The following KMT2D variants were observed in gnomAD, a reference collection of about 807,000 sequenced individuals.
KMT2D encodes histone-lysine N-methyltransferase 2D.
Under a neutral mutation model 512.7 loss-of-function variants are expected in KMT2D, and 55 were observed. The observed-to-expected ratio is 0.11, with a 90% CI of 0.09 to 0.13. The LOEUF (loss-of-function observed/expected upper bound fraction) is 0.13. Among genes scored for constraint, KMT2D ranks in the 10% least tolerant of loss-of-function variants. KMT2D has a pLI of 1.00. For missense variants in KMT2D, 6,061 were observed against 7,127.9 expected (o/e 0.85, Z 5.39); for synonymous variants, 2,995 against 2,904.0 (o/e 1.03, Z -1.01).
Position 49,050,223 on chromosome 12 carries a change from G to T in KMT2D, c.3365C>A (p.Thr1122Lys), listed in dbSNP as rs541921137. The T allele has an allele frequency of 3.1e-6, 5 of 1,613,606 alleles. No individual in the cohort carries two copies. Among genetic ancestry groups the T allele is most frequent in the Non-Finnish European group, 4.2e-6 (5 of 1,179,826 alleles). ...LDDFSGLGEDTAPLDGIDAPG... is the reference protein window; with the variant it reads ...LDDFSGLGEDKAPLDGIDAPG... ...AGCATCAATCCCATCCAGAGGGGCT[G>T]TGTCTTCCCCTAGGCCAGAGAAGTC... Residue 1122 changes from threonine (T) to lysine (K), a missense_variant, in exon 12 of 55, where the codon ACA (threonine) becomes AAA (lysine). By Grantham distance (78) the Thr-to-Lys change is moderately conservative. Coordinates refer to ENST00000301067, the MANE Select transcript of KMT2D (RefSeq NM_003482.4).
Position 49,022,929 on chromosome 12 carries a change from A to G in KMT2D, c.16053-54T>C, listed in dbSNP as rs558387437. 197 of 1,488,774 alleles carry G rather than the reference A, an allele frequency of 1.3e-4. 1 individual carries two copies. The South Asian group carries it at 2.6e-3, about 19-fold the overall frequency. 92.2% of individuals were successfully genotyped at this position (1,488,774 alleles called of 1,614,324 possible). A position where few individuals can be genotyped will look rare whatever the true frequency, so the allele number is the denominator to read the frequency against. ...CAGCTCTCCCTCAGACCAAGTACAT[A>G]CCACCCACCTCCTCTGCCACCTCCT... On this transcript the variant is annotated intron_variant, in intron 51 of 54. Coordinates refer to ENST00000301067, the MANE Select transcript of KMT2D (RefSeq NM_003482.4). The surrounding 1 kb of genome is among the most constrained non-coding windows in gnomAD (Gnocchi z 8.6).
At position 49,037,626 on chromosome 12, in the gene KMT2D, C is replaced by G. The variant is rs1258009682; in HGVS notation, c.9730G>C (p.Glu3244Gln). ...DKMESSLVAS[E>Q]LPLLIEDLLE... ...AGGTCCTCAATGAGCAGGGGTAACT[C>G]GCTGGCTACCAGTGAGCTCTCCATC... The change falls in exon 35 of 55, where the codon GAG becomes CAG. Residue 3244 changes from glutamate (E) to glutamine (Q), a missense_variant. Glu to Gln is a conservative substitution (Grantham distance 29, BLOSUM62 2). Around this residue, in one of 16 missense-constraint regions of KMT2D, gnomAD observed 533 missense variants for 539.6 expected, o/e 0.99. Coordinates refer to ENST00000301067, the MANE Select transcript of KMT2D (RefSeq NM_003482.4). The G allele has an allele frequency of 6.4e-7, 1 of 1,564,794 alleles. No homozygotes were observed. The highest frequency in any genetic ancestry group is 8.7e-7 in the Non-Finnish European group (1 of 1,154,440).
rs2120544041 is a variant in KMT2D at position 49,041,256 on chromosome 12, G to T, written c.6514C>A (p.Pro2172Thr). 2 of 1,516,828 alleles carry T rather than the reference G, an allele frequency of 1.3e-6. No individual in the cohort carries two copies. Among genetic ancestry groups the T allele is most frequent in the Non-Finnish European group, 1.8e-6 (2 of 1,136,794 alleles). 94.0% of individuals were successfully genotyped at this position (1,516,828 alleles called of 1,614,324 possible). A position where few individuals can be genotyped will look rare whatever the true frequency, so the allele number is the denominator to read the frequency against. Residue 2172 changes from proline to threonine, a missense_variant, in exon 32 of 55, where the codon CCT (proline) becomes ACT (threonine). Pro to Thr is a conservative substitution (Grantham distance 38, BLOSUM62 -1). Around this residue, in one of 16 missense-constraint regions of KMT2D, gnomAD observed 710 missense variants for 647.3 expected, o/e 1.10. Transcript: ENST00000301067. The surrounding 1 kb of genome is among the most constrained non-coding windows in gnomAD (Gnocchi z 5.4). ...GCCAGTCCAAAGGGGTCCTGCGAAG[G>T]CACTTGGGCGGGCACCTGGGGTGGG... ...KLPPQVPAQV[P>T]SQDPFGLAPA... is the part of the protein sequence containing the mutation.
At chr12:49,055,051 T>G (rs774435686) in intron 2 of KMT2D, 25 bp from the exon 3 acceptor site, 12 of 1,612,446 alleles carry the variant, frequency 7.4e-6, no homozygotes, top group Non-Finnish European at 1.0e-5. Flanking sequence ...AAACAGCATG[T>G]GTCAGCCATC....
In KMT2D at chr12:49,052,926, C is replaced by T. The variant is rs765520581; in HGVS notation, c.1101G>A (p.Pro367=). 1.5e-5 allele frequency: 24 copies of T among 1,613,956 alleles called. No homozygotes were observed. In the East Asian group the frequency reaches 1.6e-4, roughly 10 times the overall value. The change falls in exon 9 of 55, where the codon CCG becomes CCA. Residue 367 remains proline, a synonymous_variant. Transcript: ENST00000301067. ...TCCCCACCACTTACCTGCTACACACCGGGGTATGCTGCTCAGCAACGGAGC... is the reference window on the plus strand; with the variant it reads ...TCCCCACCACTTACCTGCTACACACTGGGGTATGCTGCTCAGCAACGGAGC... The part of the protein sequence containing the change: ...TIRSVAEQHT[P]VCSRFSPPEP...
rs34412400 is a variant in KMT2D, at chr12:49,036,478, A to AT, written c.10231+646dup. Reference sequence around the variant, plus strand: ...AGGCGTGCACCACCACACCCAGCTAATTTTTTTTTTTTTTTTTTTTTTTTT... The same window carrying AT: ...AGGCGTGCACCACCACACCCAGCTAATTTTTTTTTTTTTTTTTTTTTTTTTT... On this transcript the variant is annotated intron_variant, in intron 35 of 54. Transcript: ENST00000301067. Among the ~76,000 whole-genome samples, 633 of 73,442 alleles carry AT rather than the reference A, an allele frequency of 8.6e-3. 30 individuals are homozygous for AT. Among genetic ancestry groups the AT allele is most frequent in the African/African-American group, 0.018 (315 of 17,808 alleles). 48.2% of individuals were successfully genotyped at this position (73,442 alleles called of 152,430 possible). A position where few individuals can be genotyped will look rare whatever the true frequency, so the allele number is the denominator to read the frequency against.
rs2120502319 is a variant in KMT2D, at chr12:49,038,684, C to A, written c.8672G>T (p.Gly2891Val). 4 of 1,612,440 alleles carry A rather than the reference C, an allele frequency of 2.5e-6. No homozygotes were observed. In the South Asian group the frequency reaches 4.4e-5, roughly 18 times the overall value. The change falls in exon 35 of 55, where the codon GGG (glycine) becomes GTG (valine). Residue 2891 changes from glycine (G) to valine (V), a missense_variant. Transcript: ENST00000301067. This position sits in a 1 kb window ranked among gnomAD's most constrained non-coding sequence, Gnocchi z 5.7. ...RHNVQKGLGP[G>V]GTPFPGQGPP... ...GCCCTGACCAGGAAACGGAGTGCCC[C>A]CAGGTCCCAGTCCTTTCTGTACATT...
chr12:49,059,045 C>T (rs1034437384), intron 1 of KMT2D, among the ~76,000 whole-genome samples: 1 of 152,178 alleles, frequency 6.6e-6, no homozygotes, highest in Non-Finnish European at 1.5e-5. Flanking sequence ...CAGCTACCCC[C>T]TTCATCACAA....
Position 49,039,201 on chromosome 12 carries a change from G to A in KMT2D, c.8366+21C>T, listed in dbSNP as rs1431689802. ...ATCCATCCCCCTTGGTTTACCCCCA[G>A]GGAACCTCCTGGAGCCTCACCGGCT... On this transcript the variant is annotated intron_variant, in intron 34 of 54. Transcript: ENST00000301067. The surrounding 1 kb of genome is among the most constrained non-coding windows in gnomAD (Gnocchi z 5.0). 1 of 1,612,562 alleles carries A rather than the reference G, an allele frequency of 6.2e-7. No homozygotes were observed. The highest frequency in any genetic ancestry group is 1.3e-5 in the African/African-American group (1 of 74,896).
At position 49,046,934 on chromosome 12, in the gene KMT2D, C is replaced by T. The variant is rs1160175891; in HGVS notation, c.4237-144G>A. ...GATCTCGGCTCACTGCAACCTCTGC[C>T]TCTCAGGTACAAGTGATTCTCTTGT... On this transcript the variant is annotated intron_variant, in intron 15 of 54. Coordinates refer to ENST00000301067, the MANE Select transcript of KMT2D (RefSeq NM_003482.4). This position sits in a 1 kb window ranked among gnomAD's most constrained non-coding sequence, Gnocchi z 4.2. 1 of 681,368 alleles carries T rather than the reference C, an allele frequency of 1.5e-6. No individual in the cohort carries two copies. Among genetic ancestry groups the T allele is most frequent in the Non-Finnish European group, 2.4e-6 (1 of 416,106 alleles). 42.2% of individuals were successfully genotyped at this position (681,368 alleles called of 1,614,324 possible).
rs769315900 is a variant in KMT2D, at chr12:49,038,027, C to A, written c.9329G>T (p.Arg3110Leu). ...CACCTCAGGGAGCACAGATGCCAGGCGGGGTTCAGAGGCATCAGCAGCAGG... is the reference window on the plus strand; with the variant it reads ...CACCTCAGGGAGCACAGATGCCAGGAGGGGTTCAGAGGCATCAGCAGCAGG... ...PPPAADASEP[R>L]LASVLPEVKP... Residue 3110 changes from arginine (R) to leucine (L), a missense_variant, in exon 35 of 55, where the codon CGC (arginine) becomes CTC (leucine). By Grantham distance (102) the Arg-to-Leu change is moderately radical. This residue lies in a region of KMT2D where 533 missense variants were observed against 539.6 expected (regional missense o/e 0.99). Coordinates refer to ENST00000301067, the MANE Select transcript of KMT2D (RefSeq NM_003482.4). This position sits in a 1 kb window ranked among gnomAD's most constrained non-coding sequence, Gnocchi z 5.7. 16 of 1,609,212 alleles carry A rather than the reference C, an allele frequency of 9.9e-6. No individual in the cohort carries two copies. The highest frequency in any genetic ancestry group is 1.3e-5 in the Non-Finnish European group (15 of 1,177,946).
rs970144947 is a variant in KMT2D, at chr12:49,043,995, A to G, written c.5192T>C (p.Ile1731Thr). The G allele has an allele frequency of 2.5e-6, 4 of 1,613,866 alleles. No homozygotes were observed. The Admixed American group carries it at 5.0e-5, about 20-fold the overall frequency. Residue 1731 changes from isoleucine (I) to threonine (T), a missense_variant, in exon 23 of 55, where the codon ATA (isoleucine) becomes ACA (threonine). Around this residue, in one of 16 missense-constraint regions of KMT2D, gnomAD observed 640 missense variants for 814.3 expected, o/e 0.79. Transcript: ENST00000301067. The part of the protein sequence containing the change: ...LSGDGQPDEV[I>T]PADLPAEGAV... ...GCCCTCTGCAGGCAGGTCAGCAGGT[A>G]TCACTGTGGACAGAACGGAAGTGTC... is the stretch of plus-strand genomic sequence containing the variant.
At position 49,049,889 on chromosome 12, in the gene KMT2D, C is replaced by G. The variant is rs759510649; in HGVS notation, c.3699G>C (p.Glu1233Asp). The change falls in exon 12 of 55, where the codon GAG becomes GAC. Residue 1233 changes from glutamate to aspartate, a missense_variant. Glu to Asp is a conservative substitution (Grantham distance 45). Coordinates refer to ENST00000301067, the MANE Select transcript of KMT2D (RefSeq NM_003482.4). ...ACTCCATGGACAGGGAGCCACCCCC[C>G]TCCGGGTCTGGAGAGCCCAGGAGGG... The part of the protein sequence containing the change: ...SEPLLGSPDP[E>D]GGGSLSMELG... 2.5e-6 allele frequency: 4 copies of G among 1,613,810 alleles called. No homozygotes were observed. The highest frequency in any genetic ancestry group is 2.5e-6 in the Non-Finnish European group (3 of 1,179,886).
At position 49,050,078 on chromosome 12, in the gene KMT2D, G is replaced by A. The variant is rs753348269; in HGVS notation, c.3510C>T (p.Pro1170=). The A allele has an allele frequency of 6.2e-6, 10 of 1,613,562 alleles. No individual in the cohort carries two copies. The East Asian group carries it at 6.7e-5, about 11-fold the overall frequency. The change falls in exon 12 of 55, where the codon CCC becomes CCT. Residue 1170 remains proline (P), a synonymous_variant. Coordinates refer to ENST00000301067, the MANE Select transcript of KMT2D (RefSeq NM_003482.4). The part of the protein sequence containing the change: ...LAPVTPMEVY[P]ECKQTAGQGS... ...CCTGCCCTGCTGTCTGCTTGCATTC[G>A]GGGTAGACCTCCATAGGGGTCACAG...
rs1322764030 is a variant in KMT2D, at chr12:49,030,590, A to G, written c.13839+11T>C. On this transcript the variant is annotated intron_variant, in intron 42 of 54. Coordinates refer to ENST00000301067, the MANE Select transcript of KMT2D (RefSeq NM_003482.4). ...TTCACTATTCCCAAAAAATATTGCCATTTTTCTGACCTTGGTAAGCAGCTG... is the reference window on the plus strand; with the variant it reads ...TTCACTATTCCCAAAAAATATTGCCGTTTTTCTGACCTTGGTAAGCAGCTG... 6.5e-7 allele frequency: 1 copy of G among 1,548,354 alleles called. No individual in the cohort carries two copies. Among genetic ancestry groups the G allele is most frequent in the South Asian group, 1.2e-5 (1 of 81,874 alleles).
In KMT2D at chr12:49,044,979, AAGAGT is replaced by A. The variant is rs2120590573; in HGVS notation, c.4742-19_4742-15del. 1 of 1,608,292 alleles carries A rather than the reference AAGAGT, an allele frequency of 6.2e-7. No individual in the cohort carries two copies. Among genetic ancestry groups the A allele is most frequent in the Non-Finnish European group, 8.5e-7 (1 of 1,174,868 alleles). On this transcript the variant is annotated splice_polypyrimidine_tract_variant and intron_variant, in intron 19 of 54. Transcript: ENST00000301067. The surrounding 1 kb of genome is among the most constrained non-coding windows in gnomAD (Gnocchi z 6.4). ...AGTACTGGGGCTCTGCATAAGAGGA[AAGAGT>A]ATGTGATCCCTGGATGGAAGCCCCA...
chr12:49,049,073 G>A lies in KMT2D; in HGVS notation c.4020+32C>T, dbSNP rs376690145. Reference sequence around the variant, plus strand: ...CTCAGAGGGTGCTAAAGCATGGTTGGGGGATGGGAGGAATAGGAGGCATCT... The same window carrying A: ...CTCAGAGGGTGCTAAAGCATGGTTGAGGGATGGGAGGAATAGGAGGCATCT... On this transcript the variant is annotated intron_variant, in intron 13 of 54. Coordinates refer to ENST00000301067, the MANE Select transcript of KMT2D (RefSeq NM_003482.4). 19 of 1,367,212 alleles carry A rather than the reference G, an allele frequency of 1.4e-5. No homozygotes were observed. In the East Asian group the frequency reaches 4.2e-4, roughly 30 times the overall value. 84.7% of individuals were successfully genotyped at this position (1,367,212 alleles called of 1,614,324 possible).
In KMT2D at chr12:49,051,132, G is replaced by C. The variant is rs186151848; in HGVS notation, c.2551C>G (p.Leu851Val). The C allele has an allele frequency of 5.7e-5, 86 of 1,521,296 alleles. No homozygotes were observed. The highest frequency in any genetic ancestry group is 5.5e-5 in the Non-Finnish European group (63 of 1,135,478). The allele number at this position is 1,521,296 out of a possible 1,614,324, so 94.2% of individuals were successfully genotyped here. ...GGTGGCTTCTCAAGCTCAGGGGACA[G>C]ATGCGATTCCTCAGGCCGGGGGGAC... ...CLSPRPEESH[L>V]SPELEKPPLS... The change falls in exon 11 of 55, where the codon CTG becomes GTG. Residue 851 changes from leucine (L) to valine (V), a missense_variant. Leu to Val is a conservative substitution (Grantham distance 32). Transcript: ENST00000301067.
rs2120679104 is a variant in KMT2D, at chr12:49,051,936, G to A, written c.1747C>T (p.Pro583Ser). The change falls in exon 11 of 55, where the codon CCT becomes TCT. Residue 583 changes from proline to serine, a missense_variant. Physicochemically the swap from Pro to Ser is moderately conservative, Grantham distance 74. Coordinates refer to ENST00000301067, the MANE Select transcript of KMT2D (RefSeq NM_003482.4). ...GACATGGGTGACTCTTCAGGTGGAG[G>A]GGACATGGGTGACTCCTCAGGTGGT... Reference protein sequence around the residue: ...SPPPEESPMSPPPEESPMSPP... With the variant: ...SPPPEESPMSSPPEESPMSPP... 1.2e-6 allele frequency: 2 copies of A among 1,613,626 alleles called. No individual in the cohort carries two copies. The highest frequency in any genetic ancestry group is 1.7e-6 in the Non-Finnish European group (2 of 1,179,744).
Sources: allele counts gnomAD v4.1 joint callset (sites outside exome capture counted in the v4.1 genomes callset), GRCh38; gene constraint gnomAD v4.1.1; regional missense constraint gnomAD v4.1.1; non-coding constraint Gnocchi (gnomAD v3.1); transcripts MANE v1.5; gene names NCBI Gene and HGNC (gene_info 2026-07-23, HGNC 2026-07-21).